Variants in UGT3A2 observed in about 807,000 individuals in gnomAD.
UGT3A2 encodes the protein UDP-glycosyltransferase 3A2.
In UGT3A2, 32 loss-of-function variants were observed where a neutral mutation model predicts 39.8. That is an observed-to-expected ratio of 0.80 (90% CI 0.61 to 1.08). The LOEUF is 1.08. UGT3A2 is among the 50% of genes least tolerant of loss of function. The pLI is 0.00. For synonymous variants in UGT3A2, 241 were observed against 230.7 expected (o/e 1.04, Z -0.40); for missense variants, 611 against 637.1 (o/e 0.96, Z 0.44).
intron 2 of UGT3A2, 38 bp from the exon 3 acceptor site, chr5:36,052,022 A>T: frequency 7.6e-7 from 1 of 1,309,670 alleles, no homozygotes; most frequent in East Asian, 2.4e-5. Context: ...AAAGTTAAAT[A>T]TGCTACACAA....
At position 36,064,332 on chromosome 5, in the gene UGT3A2, A is replaced by G. The variant is rs748194896; in HGVS notation, c.113T>C (p.Leu38Pro). Residue 38 changes from leucine to proline, a missense_variant, in exon 2 of 7, where the codon CTG becomes CCG. Transcript: ENST00000282507. ...AAGAATCTGAGAAACCCGGTCCATC[A>G]GTAGATAATGGCTTCCACCTAGGAA... ...ISTVGGSHYLLMDRVSQILQD... is the reference protein window; with the variant it reads ...ISTVGGSHYLPMDRVSQILQD... The G allele has an allele frequency of 1.5e-5, 24 of 1,614,110 alleles. No homozygotes were observed. In the African/African-American group the frequency reaches 2.7e-4, roughly 18 times the overall value.
At chr5:36,044,952 A>G (rs554119650) in intron 4 of UGT3A2, among the ~76,000 whole-genome samples, 1 of 152,164 alleles carries the variant, frequency 6.6e-6, no homozygotes, top group Non-Finnish European at 1.5e-5. Flanking sequence ...AAAAATACCA[A>G]TCACATCCTT....
At position 36,045,262 on chromosome 5, in the gene UGT3A2, A is replaced by AC. The variant is rs1166381926; in HGVS notation, c.843+3626dup. Among the ~76,000 whole-genome samples, 4 of 152,164 alleles carry AC rather than the reference A, an allele frequency of 2.6e-5. No homozygotes were observed. In the East Asian group the frequency reaches 5.8e-4, roughly 22 times the overall value. On this transcript the variant is annotated intron_variant, in intron 4 of 6. Coordinates refer to ENST00000282507, the MANE Select transcript of UGT3A2 (RefSeq NM_174914.4). ...CTTCAATGAATGGTGCTAAAAAAAA[A>AC]CTAGATATGCATATGCAGAAGAATA... is the stretch of plus-strand genomic sequence containing the variant.
chr5:36,047,590 A>C (rs1422834394), intron 4 of UGT3A2, among the ~76,000 whole-genome samples: 1 of 152,176 alleles, frequency 6.6e-6, no homozygotes, highest in East Asian at 1.9e-4. Flanking sequence ...CCTTGTCATC[A>C]TTTTTATACT....
At chr5:36,066,302 T>C (rs377174552) in intron 1 of UGT3A2, among the ~76,000 whole-genome samples, 3 of 152,166 alleles carry the variant, frequency 2.0e-5, no homozygotes, top group East Asian at 1.9e-4. Flanking sequence ...CTGTTTCTAC[T>C]GGAAGCTACT....
intron 2 of UGT3A2, 71 bp from the exon 3 acceptor site, chr5:36,052,055 T>C: frequency 7.8e-6 from 7 of 893,260 alleles, no homozygotes; most frequent in Non-Finnish European, 1.2e-5. Flanking sequence ...AGCATAACAA[T>C]ATCAAAACTT....
chr5:36,048,433 G>A (rs990986592), intron 4 of UGT3A2, among the ~76,000 whole-genome samples: 4 of 152,202 alleles, frequency 2.6e-5, no homozygotes, highest in Admixed American at 2.0e-4. Context: ...AGATAACACC[G>A]GCAGTTCTTG....
At chr5:36,036,043 C>A in intron 6 of UGT3A2, 69 bp from the exon 7 acceptor site, 1 of 1,546,448 alleles carries the variant, frequency 6.5e-7, no homozygotes. Flanking sequence ...ATGATCCGTT[C>A]TATATGATGC....
At position 36,035,514 on chromosome 5, in the gene UGT3A2, T is replaced by G; in HGVS notation, c.*184A>C. ...AATTCTGCTAGCAGGCAGGAGCTAG[T>G]AAGGATGAATTTGTAGCAAAATTAG... On this transcript the variant is annotated 3_prime_UTR_variant, in exon 7 of 7. Transcript: ENST00000282507. The G allele has an allele frequency of 1.2e-6, 1 of 846,880 alleles. No individual in the cohort carries two copies. The highest frequency in any genetic ancestry group is 2.7e-5 in the East Asian group (1 of 36,808). 52.5% of individuals were successfully genotyped at this position (846,880 alleles called of 1,614,324 possible).
intron 2 of UGT3A2, 119 bp downstream of exon 2, chr5:36,064,129 GC>G (rs1246494083): frequency 6.6e-5 from 61 of 923,912 alleles, no homozygotes; most frequent in African/African-American, 5.9e-4. Context: ...ACACACACAA[GC>G]TTTTCATCCT....
rs1581006276 is a variant in UGT3A2, at chr5:36,048,970, G to A, written c.762C>T (p.Ala254=). 1 of 1,614,116 alleles carries A rather than the reference G, an allele frequency of 6.2e-7. No homozygotes were observed. Among genetic ancestry groups the A allele is most frequent in the East Asian group, 2.2e-5 (1 of 44,876 alleles). ...AELWFINSDF[A]FDFARPLLPN... The stretch of plus-strand genomic sequence containing the variant: ...GAAGCAGAGGTCGAGCAAAATCAAA[G>A]GCAAAGTCAGAGTTAATGAACCACA... Residue 254 remains alanine, a synonymous_variant, in exon 4 of 7, where the codon GCC becomes GCT. Coordinates refer to ENST00000282507, the MANE Select transcript of UGT3A2 (RefSeq NM_174914.4).
At chr5:36,039,913 C>T (rs1322623010) in intron 4 of UGT3A2, among the ~76,000 whole-genome samples, 2 of 152,162 alleles carry the variant, frequency 1.3e-5, no homozygotes, top group Non-Finnish European at 2.9e-5. Context: ...CTTCTTGAAA[C>T]CCTGACCCTA....
chr5:36,048,823 CA>C, intron 4 of UGT3A2, 65 bp downstream of exon 4: 1 of 1,555,584 alleles, frequency 6.4e-7, no homozygotes, highest in Non-Finnish European at 8.7e-7. Context: ...TGGCAAGTGG[CA>C]GCCACCAACT....
At chr5:36,061,658 G>A (rs1457851296) in intron 2 of UGT3A2, among the ~76,000 whole-genome samples, 1 of 149,712 alleles carries the variant, frequency 6.7e-6, no homozygotes, top group East Asian at 1.9e-4. Context: ...CATTTGGGTT[G>A]GTTCCAAGTC....
intron 1 of UGT3A2, among the ~76,000 whole-genome samples, chr5:36,065,997 A>G (rs1169272162): frequency 6.6e-6 from 1 of 152,170 alleles, no homozygotes; most frequent in African/African-American, 2.4e-5. Flanking sequence ...GGTAAAAGTA[A>G]AAGAAGTAAA....
chr5:36,055,462 C>G (rs915706822), intron 2 of UGT3A2, among the ~76,000 whole-genome samples: 2 of 152,056 alleles, frequency 1.3e-5, no homozygotes, highest in Non-Finnish European at 2.9e-5. Flanking sequence ...AAACACCTGA[C>G]CTCAGGTGAT....
intron 1 of UGT3A2, among the ~76,000 whole-genome samples, chr5:36,066,425 T>C (rs562401428): frequency 6.2e-4 from 95 of 152,234 alleles, no homozygotes; most frequent in Non-Finnish European, 1.2e-3. Context: ...CTCAAATTTC[T>C]GGCCCCAGCC....
intron 2 of UGT3A2, among the ~76,000 whole-genome samples, chr5:36,060,584 C>T (rs761438611): frequency 2.6e-5 from 4 of 152,142 alleles, no homozygotes; most frequent in Non-Finnish European, 5.9e-5. Context: ...TCACTAGAAG[C>T]GGGGAGCTCT....
At chr5:36,037,693 T>G (rs1561488235) in intron 6 of UGT3A2, 104 bp downstream of exon 6, 1 of 1,244,124 alleles carries the variant, frequency 8.0e-7, no homozygotes, top group East Asian at 2.3e-5. Flanking sequence ...ACAGTTTTAA[T>G]CTAAAGCAAA....
Sources: gnomAD v4.1 joint callset for allele counts (sites outside exome capture counted in the v4.1 genomes callset) on GRCh38, gnomAD v4.1.1 for gene constraint, MANE v1.5 for transcripts, NCBI Gene and HGNC (gene_info 2026-07-23, HGNC 2026-07-21) for gene names.